Variants in HAPSTR1 observed in about 807,000 individuals in gnomAD.
HAPSTR1 encodes the protein HUWE1 associated protein modifying stress responses, also known as HUWE1-associated protein modifying stress responses 1.
the HAPSTR1 span, chr16:9,092,333 C>T: frequency 8.0e-5 from 103 of 1,292,662 alleles, no homozygotes; most frequent in Non-Finnish European, 9.8e-5. Flanking sequence ...GGCCCCGGCC[C>T]TATCGGCTCA....
chr16:9,109,996 T>C, the HAPSTR1 span: 1 of 151,966 alleles, frequency 6.6e-6, no homozygotes, highest in African/African-American at 2.4e-5. Context: ...AGGTTAGGAG[T>C]AGGGGCAGGT....
the HAPSTR1 span, chr16:9,110,240 T>G: frequency 6.6e-6 from 1 of 151,730 alleles, no homozygotes; most frequent in African/African-American, 2.4e-5. Context: ...TTAAGTTACT[T>G]GACAATATTC....
chr16:9,106,908 A>G, the HAPSTR1 span: 1 of 152,140 alleles, frequency 6.6e-6, no homozygotes, highest in Non-Finnish European at 1.5e-5. Flanking sequence ...CTTCTGGATC[A>G]CTTTGTGGAT....
At chr16:9,111,812 A>G in the HAPSTR1 span, 1 of 152,198 alleles carries the variant, frequency 6.6e-6, no homozygotes, top group African/African-American at 2.4e-5. Flanking sequence ...ATAGAGATTA[A>G]CTTCAGTTCA....
the HAPSTR1 span, among the ~76,000 whole-genome samples, chr16:9,094,620 G>A: frequency 2.0e-5 from 3 of 152,032 alleles, no homozygotes; most frequent in African/African-American, 7.2e-5. Flanking sequence ...AGCCTATTGT[G>A]TCTGGCTTGT....
At chr16:9,102,197 G>A in the HAPSTR1 span, among the ~76,000 whole-genome samples, 1 of 152,216 alleles carries the variant, frequency 6.6e-6, no homozygotes, top group Non-Finnish European at 1.5e-5. Context: ...AAAGTTCAAG[G>A]ATAAAGTAAC....
the HAPSTR1 span, chr16:9,103,240 G>T: frequency 6.2e-7 from 1 of 1,613,994 alleles, no homozygotes; most frequent in Admixed American, 1.7e-5. Context: ...AACCCTTCCG[G>T]GAAGCCATAG....
chr16:9,104,448 A>G, the HAPSTR1 span: 1 of 152,346 alleles, frequency 6.6e-6, no homozygotes, highest in East Asian at 1.9e-4. Context: ...AGTACAGGTC[A>G]TCTAAAACAA....
chr16:9,117,452 A>C, the HAPSTR1 span: 1 of 154,034 alleles, frequency 6.5e-6, no homozygotes, highest in Non-Finnish European at 1.4e-5. Flanking sequence ...TTAGTTTTCA[A>C]ATCAATTTCT....
At chr16:9,094,741 T>G in the HAPSTR1 span, among the ~76,000 whole-genome samples, 3 of 152,214 alleles carry the variant, frequency 2.0e-5, no homozygotes, top group African/African-American at 7.2e-5. Context: ...CCATGGTTTA[T>G]TCTTTTGCTT....
the HAPSTR1 span, chr16:9,112,273 A>G: frequency 6.6e-6 from 1 of 152,252 alleles, no homozygotes; most frequent in South Asian, 2.1e-4. Context: ...AGTGCTGTGC[A>G]TCTGAATAGT....
At chr16:9,119,743 CTT>C in the HAPSTR1 span, 1 of 152,198 alleles carries the variant, frequency 6.6e-6, no homozygotes, top group African/African-American at 2.4e-5. Flanking sequence ...ATCTGAATAA[CTT>C]TTTGATGCAA....
the HAPSTR1 span, among the ~76,000 whole-genome samples, chr16:9,096,590 G>C: frequency 6.6e-6 from 1 of 152,212 alleles, no homozygotes; most frequent in African/African-American, 2.4e-5. Context: ...AGTGGCAGGT[G>C]ACTTAGAAAC....
chr16:9,098,128 T>G, the HAPSTR1 span, among the ~76,000 whole-genome samples: 1 of 152,116 alleles, frequency 6.6e-6, no homozygotes, highest in African/African-American at 2.4e-5. Flanking sequence ...GTCGGGAGTT[T>G]GAGACCAGCC....
the HAPSTR1 span, among the ~76,000 whole-genome samples, chr16:9,114,307 A>G: frequency 5.3e-4 from 81 of 152,224 alleles, no homozygotes; most frequent in African/African-American, 1.8e-3. Flanking sequence ...GGGTGACACC[A>G]GCCTTTCAGG....
the HAPSTR1 span, chr16:9,119,471 T>G: frequency 6.6e-6 from 1 of 152,280 alleles, no homozygotes; most frequent in Non-Finnish European, 1.5e-5. Flanking sequence ...GCTCCTTAGT[T>G]CTGCTCCTGT....
chr16:9,110,569 C>G, the HAPSTR1 span: 1 of 152,130 alleles, frequency 6.6e-6, no homozygotes, highest in Non-Finnish European at 1.5e-5. Context: ...CAAATCACTC[C>G]TGATAAAATT....
the HAPSTR1 span, among the ~76,000 whole-genome samples, chr16:9,115,497 C>T: frequency 4.6e-5 from 7 of 152,186 alleles, no homozygotes; most frequent in African/African-American, 1.7e-4. Context: ...TGGCCTGACT[C>T]ATACCTTTCA....
At chr16:9,114,217 A>C in the HAPSTR1 span, among the ~76,000 whole-genome samples, 1 of 152,024 alleles carries the variant, frequency 6.6e-6, no homozygotes, top group Non-Finnish European at 1.5e-5. Flanking sequence ...GGCAGTTAGA[A>C]ATCTGGGAGG....
Sources: gnomAD v4.1 joint callset for allele counts (sites outside exome capture counted in the v4.1 genomes callset) on GRCh38, gnomAD v4.1.1 for gene constraint, MANE v1.5 for transcripts, NCBI Gene and HGNC (gene_info 2026-07-23, HGNC 2026-07-21) for gene names.